The following KIZ variants were observed in gnomAD, a reference collection of about 807,000 sequenced individuals.
The protein encoded by KIZ is kizuna centrosomal protein.
KIZ carries 68 observed loss-of-function variants against 79.6 expected under a neutral mutation model. The ratio of observed to expected loss-of-function variants is 0.85; its 90% CI spans 0.70 to 1.05. KIZ has a LOEUF of 1.05. Among genes scored for constraint, KIZ ranks in the 50% least tolerant of loss-of-function variants. The pLI is 0.00. For synonymous variants in KIZ, 280 were observed against 281.8 expected, an observed-to-expected ratio of 0.99 and a Z score of 0.06; for missense variants, 797 against 800.4, an observed-to-expected ratio of 1.00 and a Z score of 0.05.
intron 10 of KIZ, among the ~76,000 whole-genome samples, chr20:21,230,399 C>T (rs1253472676): frequency 6.6e-6 from 1 of 152,156 alleles, no homozygotes; most frequent in Non-Finnish European, 1.5e-5. Context: ...CACTTGAGCC[C>T]AGAAGTTTGA....
At chr20:21,219,184 TAGAA>T (rs879664055) in intron 9 of KIZ, among the ~76,000 whole-genome samples, 49,064 of 152,142 alleles carry the variant, frequency 0.32, 8,009 homozygotes, top group East Asian at 0.42. Flanking sequence ...ATATACCAGG[TAGAA>T]TATTTATCGA....
intron 7 of KIZ, among the ~76,000 whole-genome samples, chr20:21,211,326 G>A (rs1192974377): frequency 6.6e-6 from 1 of 152,212 alleles, no homozygotes; most frequent in Non-Finnish European, 1.5e-5. Flanking sequence ...TCCACAAATA[G>A]TTTGTGCCCT....
At chr20:21,167,836 G>A (rs1340188123) in intron 6 of KIZ, among the ~76,000 whole-genome samples, 3 of 152,128 alleles carry the variant, frequency 2.0e-5, no homozygotes, top group African/African-American at 7.2e-5. Flanking sequence ...TTACAGACGT[G>A]AGCCACTGCG....
At chr20:21,181,520 G>A (rs997255378) in intron 6 of KIZ, among the ~76,000 whole-genome samples, 3 of 151,076 alleles carry the variant, frequency 2.0e-5, no homozygotes, top group Non-Finnish European at 2.9e-5. Flanking sequence ...GTGCAGTGGC[G>A]TGATCTTGGC....
rs1187441210 is a variant in KIZ at position 21,214,720 on chromosome 20, G to T, written c.1612+20G>T. 2 of 1,583,624 alleles carry T rather than the reference G, an allele frequency of 1.3e-6. No homozygotes were observed. Among genetic ancestry groups the T allele is most frequent in the East Asian group, 4.5e-5 (2 of 44,640 alleles). ...AACAAGGTAACTATTGTTAAAGTGT[G>T]TGTCCACAGCAAAAAGGCATTCAGG... On this transcript the variant is annotated intron_variant, in intron 8 of 12. Coordinates refer to ENST00000619189, the MANE Select transcript of KIZ (RefSeq NM_018474.6).
At chr20:21,225,943 T>A (rs368346815) in intron 9 of KIZ, among the ~76,000 whole-genome samples, 1 of 152,236 alleles carries the variant, frequency 6.6e-6, no homozygotes, top group African/African-American at 2.4e-5. Context: ...CTGGGTAACA[T>A]GTTCCAACAA....
chr20:21,245,330 C>T (rs1312904967), intron 12 of KIZ: 1 of 152,114 alleles, frequency 6.6e-6, no homozygotes, highest in African/African-American at 2.4e-5. Context: ...GACAAGTACC[C>T]AGTGGGTTGT....
intron 6 of KIZ, among the ~76,000 whole-genome samples, chr20:21,168,553 G>A (rs1407354516): frequency 1.3e-5 from 2 of 152,150 alleles, no homozygotes; most frequent in Admixed American, 6.5e-5. Flanking sequence ...AGCTACCAAT[G>A]ACTTTCTTCA....
chr20:21,219,197 G>A (rs1201808393), intron 9 of KIZ, among the ~76,000 whole-genome samples: 2 of 150,690 alleles, frequency 1.3e-5, no homozygotes, highest in African/African-American at 2.4e-5. Context: ...AATATTTATC[G>A]AGCTTAATTA....
chr20:21,188,009 C>G (rs2034956908), intron 6 of KIZ, among the ~76,000 whole-genome samples: 1 of 152,324 alleles, frequency 6.6e-6, no homozygotes, highest in East Asian at 1.9e-4. Context: ...TTCTCCCACT[C>G]TCCTGTACCT....
At chr20:21,196,893 C>G (rs991669410) in intron 6 of KIZ, 1 of 152,188 alleles carries the variant, frequency 6.6e-6, no homozygotes, top group Non-Finnish European at 1.5e-5. Flanking sequence ...ATAGATGGAC[C>G]ACATCTCCTT....
At chr20:21,170,260 C>T (rs963711313) in intron 6 of KIZ, among the ~76,000 whole-genome samples, 3 of 152,058 alleles carry the variant, frequency 2.0e-5, no homozygotes, top group Non-Finnish European at 4.4e-5. Flanking sequence ...ATGGGATATC[C>T]ATCTCCTCAA....
chr20:21,179,848 T>G (rs1336941024), intron 6 of KIZ, among the ~76,000 whole-genome samples: 10 of 151,956 alleles, frequency 6.6e-5, no homozygotes, highest in African/African-American at 2.2e-4. Flanking sequence ...GTTGTTTAAT[T>G]TCCACATGTT....
intron 11 of KIZ, among the ~76,000 whole-genome samples, chr20:21,241,019 C>G (rs1185479537): frequency 6.6e-6 from 1 of 152,240 alleles, no homozygotes; most frequent in East Asian, 1.9e-4. Flanking sequence ...TCTACACTCT[C>G]AGCAAACATT....
intron 1 of KIZ, among the ~76,000 whole-genome samples, chr20:21,127,020 A>G (rs890787991): frequency 2.0e-5 from 3 of 152,232 alleles, no homozygotes; most frequent in East Asian, 1.9e-4. Context: ...AAAAGTTACA[A>G]AATCATTCTA....
intron 9 of KIZ, among the ~76,000 whole-genome samples, chr20:21,221,065 AC>A (rs1431267530): frequency 6.6e-6 from 1 of 152,100 alleles, no homozygotes; most frequent in Non-Finnish European, 1.5e-5. Flanking sequence ...ACACTTCCTG[AC>A]CTACTATGTA....
chr20:21,216,310 A>G (rs1421483092), intron 9 of KIZ, among the ~76,000 whole-genome samples: 1 of 152,222 alleles, frequency 6.6e-6, no homozygotes, highest in Non-Finnish European at 1.5e-5. Context: ...GTACTACTTC[A>G]TTATAAATTC....
At position 21,162,420 on chromosome 20, in the gene KIZ, C is replaced by T. The variant is rs961011642; in HGVS notation, c.955C>T (p.Pro319Ser). ...AGTTGAGGAAAAAAGAGCCAGCCCG[C>T]CAGTCTCTCCGATACCAGTTTCAGA... ...IEVEEKRASP[P>S]VSPIPVSEYC... Residue 319 changes from proline (P) to serine (S), a missense_variant, in exon 5 of 13, where the codon CCA becomes TCA. Pro to Ser is a moderately conservative substitution (Grantham distance 74, BLOSUM62 -1). Coordinates refer to ENST00000619189, the MANE Select transcript of KIZ (RefSeq NM_018474.6). The T allele has an allele frequency of 2.3e-5, 37 of 1,612,982 alleles. No individual in the cohort carries two copies. In the African/African-American group the frequency reaches 2.7e-4, roughly 12 times the overall value.
At chr20:21,130,715 A>AC (rs1361341016) in intron 1 of KIZ, among the ~76,000 whole-genome samples, 1 of 151,720 alleles carries the variant, frequency 6.6e-6, no homozygotes, top group African/African-American at 2.4e-5. Flanking sequence ...TGGATTTTGG[A>AC]CCCCATATTC....
Sources: gnomAD v4.1 joint callset for allele counts (sites outside exome capture counted in the v4.1 genomes callset) on GRCh38, gnomAD v4.1.1 for gene constraint, MANE v1.5 for transcripts, NCBI Gene and HGNC (gene_info 2026-07-23, HGNC 2026-07-21) for gene names.